The following CSGALNACT1 variants were observed in gnomAD, a reference collection of about 807,000 sequenced individuals.
CSGALNACT1 encodes the protein beta4GalNAcT-1.
Under a neutral mutation model 51.0 loss-of-function variants are expected in CSGALNACT1, and 52 were observed. That is an observed-to-expected ratio of 1.02 (90% confidence interval 0.82 to 1.29). The LOEUF (loss-of-function observed/expected upper bound fraction) is 1.29. Among genes scored for constraint, CSGALNACT1 ranks in the 50% most tolerant of loss-of-function variants. The pLI is 0.00. For missense variants in CSGALNACT1, 935 were observed against 679.2 expected (o/e 1.38, Z -4.19); for synonymous variants, 341 against 254.4 (o/e 1.34, Z -3.24).
At chr8:19,655,606 A>G (rs1342025409) in intron 1 of CSGALNACT1, among the ~76,000 whole-genome samples, 1 of 151,942 alleles carries the variant, frequency 6.6e-6, no homozygotes, top group Non-Finnish European at 1.5e-5. Flanking sequence ...ATTTGCAGAG[A>G]CAGAGTTTTG....
rs1410267359 is a variant in CSGALNACT1 at position 19,666,929 on chromosome 8, C to G, written c.-544+15544G>C. 3.9e-3 allele frequency among the ~76,000 whole-genome samples: 334 copies of G among 86,024 alleles called. 21 individuals carry two copies. Among genetic ancestry groups the G allele is most frequent in the African/African-American group, 0.014 (302 of 21,204 alleles). The allele number at this position is 86,024 out of a possible 152,430, so 56.4% of individuals were successfully genotyped here. ...AGGGAGGAAGGGAGGAAGGGAGAGA[C>G]AGAGAGAGAGAGAAAAAGAAAGAAA... On this transcript the variant is annotated intron_variant, in intron 1 of 9. Coordinates refer to the CSGALNACT1 transcript ENST00000332246.
At chr8:19,592,774 G>GA (rs950275925) in intron 2 of CSGALNACT1, among the ~76,000 whole-genome samples, 16 of 151,026 alleles carry the variant, frequency 1.1e-4, no homozygotes, top group Non-Finnish European at 1.3e-4. Context: ...TGTCTCTAAT[G>GA]AAAAAAAAAT....
At chr8:19,566,740 T>C (rs1035101343) in intron 3 of CSGALNACT1, among the ~76,000 whole-genome samples, 10 of 152,062 alleles carry the variant, frequency 6.6e-5, no homozygotes, top group African/African-American at 2.4e-4. Flanking sequence ...CATCTGAAAA[T>C]ACAAGATTAA....
chr8:19,497,126 G>A (rs945107718), intron 4 of CSGALNACT1, among the ~76,000 whole-genome samples: 2 of 152,226 alleles, frequency 1.3e-5, no homozygotes, highest in Non-Finnish European at 2.9e-5. Context: ...ACCCAGTGAC[G>A]TGGTACCTGC....
At chr8:19,597,119 T>A (rs2049070497) in intron 2 of CSGALNACT1, among the ~76,000 whole-genome samples, 1 of 152,126 alleles carries the variant, frequency 6.6e-6, no homozygotes, top group Non-Finnish European at 1.5e-5. Context: ...ACTGGCTAAT[T>A]TCACAAAGCA....
At chr8:19,436,118 G>A (rs888723758) in intron 6 of CSGALNACT1, among the ~76,000 whole-genome samples, 7 of 152,146 alleles carry the variant, frequency 4.6e-5, no homozygotes, top group African/African-American at 1.7e-4. Flanking sequence ...ATAAACTAGG[G>A]AGAGAGAGTG....
chr8:19,650,218 T>C (rs906023551), intron 1 of CSGALNACT1, among the ~76,000 whole-genome samples: 12 of 152,158 alleles, frequency 7.9e-5, no homozygotes, highest in Non-Finnish European at 1.5e-4. Context: ...AAAAGTATAA[T>C]CTGATCAATG....
At chr8:19,523,732 C>G (rs1477690156) in intron 3 of CSGALNACT1, among the ~76,000 whole-genome samples, 2 of 152,188 alleles carry the variant, frequency 1.3e-5, no homozygotes, top group Non-Finnish European at 2.9e-5. Context: ...CCAATTATCA[C>G]AGGAGACAAA....
chr8:19,437,925 G>C (rs1016442538), intron 6 of CSGALNACT1, among the ~76,000 whole-genome samples: 20 of 152,208 alleles, frequency 1.3e-4, no homozygotes, highest in African/African-American at 4.6e-4. Context: ...TTCTGGTTGA[G>C]AATTCACCTT....
At chr8:19,673,533 A>C (rs1008255277) in intron 1 of CSGALNACT1, among the ~76,000 whole-genome samples, 3 of 152,206 alleles carry the variant, frequency 2.0e-5, no homozygotes, top group African/African-American at 7.2e-5. Context: ...TGTCTTCAAG[A>C]TGCACCACAG....
intron 3 of CSGALNACT1, among the ~76,000 whole-genome samples, chr8:19,533,590 C>T (rs1023317982): frequency 5.9e-5 from 9 of 152,150 alleles, no homozygotes; most frequent in African/African-American, 2.2e-4. Context: ...TTCTATGGCT[C>T]ATATAGAATA....
chr8:19,589,475 A>G lies in CSGALNACT1; in HGVS notation c.-297+1685T>C, dbSNP rs148573883. On this transcript the variant is annotated intron_variant, in intron 3 of 9. Coordinates refer to ENST00000454498, the Ensembl canonical transcript of CSGALNACT1. ...TGAGTAGCTGGTACTACGGGAGTGC[A>G]CCACCACATCTGGCTAATTTTTGTA... Among the ~76,000 whole-genome samples the G allele has an allele frequency of 4.4e-3, 664 of 152,238 alleles. 4 individuals carry two copies. The highest frequency in any genetic ancestry group is 0.016 in the African/African-American group (644 of 41,542).
chr8:19,432,004 T>C (rs914369120), intron 6 of CSGALNACT1, among the ~76,000 whole-genome samples: 2 of 151,930 alleles, frequency 1.3e-5, no homozygotes, highest in African/African-American at 4.8e-5. Flanking sequence ...AAAAAAAGAG[T>C]CACAAACAAA....
intron 1 of CSGALNACT1, among the ~76,000 whole-genome samples, chr8:19,625,487 T>C (rs148121375): frequency 5.3e-5 from 8 of 152,348 alleles, no homozygotes; most frequent in Admixed American, 2.0e-4. Flanking sequence ...TTCTCTTTTA[T>C]CATCCCAGGT....
chr8:19,633,768 G>C (rs969023199), intron 1 of CSGALNACT1, among the ~76,000 whole-genome samples: 1 of 152,188 alleles, frequency 6.6e-6, no homozygotes, highest in Non-Finnish European at 1.5e-5. Flanking sequence ...AGCTTGTAGT[G>C]ATTTGTTATA....
chr8:19,523,955 G>C (rs1257594416), intron 3 of CSGALNACT1, among the ~76,000 whole-genome samples: 1 of 152,182 alleles, frequency 6.6e-6, no homozygotes, highest in African/African-American at 2.4e-5. Context: ...TTGTTAGGTA[G>C]AGATGGAAAA....
intron 3 of CSGALNACT1, among the ~76,000 whole-genome samples, chr8:19,525,399 T>G (rs2081459666): frequency 6.7e-6 from 1 of 149,654 alleles, no homozygotes; most frequent in African/African-American, 2.5e-5. Context: ...AGATCAGGAG[T>G]TCAAGACCAG....
intron 6 of CSGALNACT1, among the ~76,000 whole-genome samples, chr8:19,422,055 AC>A (rs1427879870): frequency 6.6e-6 from 1 of 152,208 alleles, no homozygotes; most frequent in East Asian, 1.9e-4. Flanking sequence ...AAGTCACTCT[AC>A]CCCTTTTGTC....
rs142857095 is a variant in CSGALNACT1 at position 19,710,220 on chromosome 8, C to T, written c.-297+47630G>A. Among the ~76,000 whole-genome samples the T allele has an allele frequency of 3.4e-3, 518 of 152,264 alleles. 6 individuals carry two copies. Among genetic ancestry groups the T allele is most frequent in the African/African-American group, 0.012 (490 of 41,550 alleles). Reference sequence around the variant, plus strand: ...TAATTTTCTCTGTCATTCCATAAAACGCATAATTAAAAATTAACACAGCAT... The same window carrying T: ...TAATTTTCTCTGTCATTCCATAAAATGCATAATTAAAAATTAACACAGCAT... On this transcript the variant is annotated intron_variant, in intron 1 of 1. Coordinates refer to the CSGALNACT1 transcript ENST00000517494.
Sources: allele counts gnomAD v4.1 joint callset (sites outside exome capture counted in the v4.1 genomes callset), GRCh38; gene constraint gnomAD v4.1.1; transcripts MANE v1.5; gene names NCBI Gene and HGNC (gene_info 2026-07-23, HGNC 2026-07-21).